The following ANKRD13D variants were observed in gnomAD, a reference collection of about 807,000 sequenced individuals.
ANKRD13D encodes ankyrin repeat domain 13D.
A neutral mutation model predicts 68.8 loss-of-function variants in ANKRD13D; 24 were observed. That is an observed-to-expected ratio of 0.35 (90% CI 0.25 to 0.49). The LOEUF (loss-of-function observed/expected upper bound fraction) is 0.49. Ranked by LOEUF, ANKRD13D falls within the 20% of genes least tolerant of loss-of-function variation. The pLI, the probability that ANKRD13D is intolerant of heterozygous loss-of-function variation, is 0.99. For synonymous variants in ANKRD13D, 331 were observed against 336.1 expected (o/e 0.98, Z 0.16); for missense variants, 735 against 832.1 (o/e 0.88, Z 1.44).
At chr11:67,296,892 C>T (rs540789941) in intron 6 of ANKRD13D, among the ~76,000 whole-genome samples, 1 of 152,182 alleles carries the variant, frequency 6.6e-6, no homozygotes, top group East Asian at 1.9e-4. Context: ...AAAGCACTGA[C>T]ATTACAGGTG....
intron 6 of ANKRD13D, among the ~76,000 whole-genome samples, chr11:67,296,338 A>AGTGTGT (rs35848734): frequency 0.13 from 19,120 of 147,586 alleles, 1,424 homozygotes; most frequent in South Asian, 0.18. Flanking sequence ...TTTGGGCCTG[A>AGTGTGT]GTGTGTGTGT....
In ANKRD13D at chr11:67,300,579, C is replaced by T. The variant is rs1860939797; in HGVS notation, c.1074-411C>T. 2 of 376,986 alleles carry T rather than the reference C, an allele frequency of 5.3e-6. No individual in the cohort carries two copies. The highest frequency in any genetic ancestry group is 9.6e-6 in the Non-Finnish European group (2 of 209,182). 23.4% of individuals were successfully genotyped at this position (376,986 alleles called of 1,614,324 possible). ...CATCTCAGGAGGATTCTCTTAGCCA[C>T]CCAACAGTCGCTGGGATTCGAACCC... On this transcript the variant is annotated intron_variant, in intron 10 of 14. Transcript: ENST00000511455. The surrounding 1 kb of genome is among the most constrained non-coding windows in gnomAD (Gnocchi z 4.3).
chr11:67,302,122 C>A lies in ANKRD13D; in HGVS notation c.1608C>A (p.Ala536=). The part of the protein sequence containing the change: ...VYEEQLQLER[A]LQESLQLSTE... ...CCTCCCCTGCCCTGCCTGGAAGGGC[C>A]CTCCAGGAAAGCCTGCAGCTGTCCA... Residue 536 remains alanine, a synonymous_variant, in exon 15 of 15, where the codon GCC becomes GCA. Coordinates refer to ENST00000511455, the MANE Select transcript of ANKRD13D (RefSeq NM_207354.3). The A allele has an allele frequency of 6.4e-7, 1 of 1,568,348 alleles. No individual in the cohort carries two copies.
intron 6 of ANKRD13D, among the ~76,000 whole-genome samples, chr11:67,297,288 C>T (rs1304474321): frequency 6.6e-6 from 1 of 151,840 alleles, no homozygotes; most frequent in Non-Finnish European, 1.5e-5. Context: ...CTCACTGCAA[C>T]CTCCGCCTCC....
At position 67,300,442 on chromosome 11, in the gene ANKRD13D, C is replaced by T. The variant is rs973469309; in HGVS notation, c.1073+319C>T. 3.4e-5 allele frequency: 13 copies of T among 379,028 alleles called. No individual in the cohort carries two copies. The highest frequency in any genetic ancestry group is 8.2e-5 in the Admixed American group (2 of 24,396). The allele number at this position is 379,028 out of a possible 1,614,324, so 23.5% of individuals were successfully genotyped here. A position where few individuals can be genotyped will look rare whatever the true frequency, so the allele number is the denominator to read the frequency against. On this transcript the variant is annotated intron_variant, in intron 10 of 14. Coordinates refer to ENST00000511455, the MANE Select transcript of ANKRD13D (RefSeq NM_207354.3). This position sits in a 1 kb window ranked among gnomAD's most constrained non-coding sequence, Gnocchi z 4.3. ...CCAGCGACGTGGCCTGGGAGTGGAG[C>T]GTCTGCCTTGGTGGAACAGAACAGT...
rs763853872 is a variant in ANKRD13D, at chr11:67,302,104, T to C, written c.1605-15T>C. ...CTCACTGGCCTGTTCTTCCCTCCCCTGCCCTGCCTGGAAGGGCCCTCCAGG... is the reference window on the plus strand; with the variant it reads ...CTCACTGGCCTGTTCTTCCCTCCCCCGCCCTGCCTGGAAGGGCCCTCCAGG... On this transcript the variant is annotated splice_polypyrimidine_tract_variant and intron_variant, in intron 14 of 14. Transcript: ENST00000511455. The C allele has an allele frequency of 1.3e-6, 2 of 1,542,332 alleles. No individual in the cohort carries two copies. Among genetic ancestry groups the C allele is most frequent in the Admixed American group, 3.9e-5 (2 of 50,730 alleles).
At position 67,299,429 on chromosome 11, in the gene ANKRD13D, C is replaced by T. The variant is rs1860887727; in HGVS notation, c.799-101C>T. On this transcript the variant is annotated intron_variant, in intron 7 of 14. Transcript: ENST00000511455. The surrounding 1 kb of genome is among the most constrained non-coding windows in gnomAD (Gnocchi z 6.2). ...TCCTCCATTTTGGGGAGCAAGATCT[C>T]ATCTGTCTCTGGGACAGGAGGACCT... The T allele has an allele frequency of 9.8e-7, 1 of 1,025,452 alleles. No homozygotes were observed. The highest frequency in any genetic ancestry group is 1.4e-6 in the Non-Finnish European group (1 of 694,140). 63.5% of individuals were successfully genotyped at this position (1,025,452 alleles called of 1,614,324 possible). A position where few individuals can be genotyped will look rare whatever the true frequency, so the allele number is the denominator to read the frequency against.
chr11:67,297,172 A>G (rs1334407895), intron 6 of ANKRD13D, among the ~76,000 whole-genome samples: 2 of 152,084 alleles, frequency 1.3e-5, no homozygotes, highest in African/African-American at 2.4e-5. Flanking sequence ...TTCTTTCTTA[A>G]TATAGGCATT....
In ANKRD13D at chr11:67,301,430, C is replaced by G; in HGVS notation, c.1348+32C>G. On this transcript the variant is annotated intron_variant, in intron 12 of 14. Coordinates refer to ENST00000511455, the MANE Select transcript of ANKRD13D (RefSeq NM_207354.3). This position sits in a 1 kb window ranked among gnomAD's most constrained non-coding sequence, Gnocchi z 4.5. ...CAACGGGAGGAAGAGGGAGCCTGCA[C>G]AGCTTTCTGGTCACCAAGCCCCGCG... is the stretch of plus-strand genomic sequence containing the variant. 6.2e-7 allele frequency: 1 copy of G among 1,607,778 alleles called. No individual in the cohort carries two copies. The highest frequency in any genetic ancestry group is 8.5e-7 in the Non-Finnish European group (1 of 1,176,678).
In ANKRD13D at chr11:67,301,492, C is replaced by G; in HGVS notation, c.1353C>G (p.Asn451Lys). The G allele has an allele frequency of 6.2e-7, 1 of 1,612,476 alleles. No individual in the cohort carries two copies. The highest frequency in any genetic ancestry group is 8.5e-7 in the Non-Finnish European group (1 of 1,179,494). Residue 451 changes from asparagine to lysine, a missense_variant, in exon 13 of 15, where the codon AAC (asparagine) becomes AAG (lysine). By Grantham distance (94) the Asn-to-Lys change is moderately conservative (BLOSUM62 0). Coordinates refer to ENST00000511455, the MANE Select transcript of ANKRD13D (RefSeq NM_207354.3). The surrounding 1 kb of genome is among the most constrained non-coding windows in gnomAD (Gnocchi z 4.5). ...APSSAVAASG[N>K]PFPCEVDPTV... ...GCCCCTCTGCCACCTGCCTAGGGAA[C>G]CCTTTCCCGTGCGAGGTGGACCCCA...
rs1343377219 is a variant in ANKRD13D, at chr11:67,302,168, T to A, written c.1654T>A (p.Ser552Thr). 1.3e-6 allele frequency: 2 copies of A among 1,597,106 alleles called. No homozygotes were observed. The highest frequency in any genetic ancestry group is 1.1e-5 in the South Asian group (1 of 88,372). ...GTCCACAGAGCCCAGGGGCCCAGGA[T>A]CCCCTCCCAGGACACCCCCAGCCCC... ...QLSTEPRGPG[S>T]PPRTPPAPGP... Residue 552 changes from serine (S) to threonine (T), a missense_variant, in exon 15 of 15, where the codon TCC (serine) becomes ACC (threonine). Physicochemically the swap from Ser to Thr is moderately conservative, Grantham distance 58. Transcript: ENST00000511455.
In ANKRD13D at chr11:67,300,995, A is replaced by G. The variant is rs774858371; in HGVS notation, c.1079A>G (p.Lys360Arg). 7 of 1,613,792 alleles carry G rather than the reference A, an allele frequency of 4.3e-6. No homozygotes were observed. Among genetic ancestry groups the G allele is most frequent in the Non-Finnish European group, 5.9e-6 (7 of 1,179,994 alleles). ...IEMSSKVQRF[K>R]ATLWLSEEHP... ...TCCTGTGGTCGGCTGGGCAGGTTCA[A>G]GGCAACACTGTGGCTGAGTGAAGAG... The change falls in exon 11 of 15, where the codon AAG becomes AGG. Residue 360 changes from lysine to arginine, a missense_variant. Physicochemically the swap from Lys to Arg is conservative, Grantham distance 26. Transcript: ENST00000511455. The surrounding 1 kb of genome is among the most constrained non-coding windows in gnomAD (Gnocchi z 4.3).
chr11:67,289,902 C>T, intron 1 of ANKRD13D, 176 bp from the exon 2 acceptor site: 1 of 1,437,580 alleles, frequency 7.0e-7, no homozygotes, highest in Non-Finnish European at 9.1e-7. Flanking sequence ...TCTGCCCCTG[C>T]CTTCCCTCCT....
intron 6 of ANKRD13D, among the ~76,000 whole-genome samples, chr11:67,292,449 C>CA (rs1022412564): frequency 2.6e-5 from 4 of 152,082 alleles, no homozygotes; most frequent in African/African-American, 9.7e-5. Flanking sequence ...CCCATTAAGA[C>CA]AAAGATTTAG....
rs751541067 is a variant in ANKRD13D, at chr11:67,292,129, C to G, written c.680C>G (p.Thr227Ser). The change falls in exon 6 of 15, where the codon ACC becomes AGC. Residue 227 changes from threonine to serine, a missense_variant. Transcript: ENST00000511455. ...PSEEHVASRL[T>S]SPIVSTHLDT... ...GAGGAGCATGTGGCCAGTCGCCTCA[C>G]CTCTCCTATCGTCTCCACCCACCTG... 1.9e-6 allele frequency: 3 copies of G among 1,611,990 alleles called. No individual in the cohort carries two copies. The highest frequency in any genetic ancestry group is 2.5e-6 in the Non-Finnish European group (3 of 1,178,424).
intron 3 of ANKRD13D, chr11:67,291,185 C>T (rs985762826): frequency 1.6e-5 from 6 of 381,204 alleles, no homozygotes; most frequent in East Asian, 5.8e-5. Context: ...TGGTGAAAGC[C>T]GTCTCTACAA....
In ANKRD13D at chr11:67,299,360, G is replaced by A; in HGVS notation, c.799-170G>A. 1 of 707,452 alleles carries A rather than the reference G, an allele frequency of 1.4e-6. No individual in the cohort carries two copies. 43.8% of individuals were successfully genotyped at this position (707,452 alleles called of 1,614,324 possible). A position where few individuals can be genotyped will look rare whatever the true frequency, so the allele number is the denominator to read the frequency against. ...GTGTGTTCCTCTTGACCCTGGGGCT[G>A]CATCTCCTCGTTGGTGACTTCCTGG... On this transcript the variant is annotated intron_variant, in intron 7 of 14. Transcript: ENST00000511455. The surrounding 1 kb of genome is among the most constrained non-coding windows in gnomAD (Gnocchi z 6.2).
chr11:67,289,762 G>A (rs1334453632), intron 1 of ANKRD13D: 5 of 1,411,802 alleles, frequency 3.5e-6, no homozygotes, highest in Non-Finnish European at 4.6e-6. Flanking sequence ...TGCCCTGCTC[G>A]CCCGAACTCG....
rs751758780 is a variant in ANKRD13D at position 67,301,682 on chromosome 11, C to G, written c.1512+31C>G. On this transcript the variant is annotated intron_variant, in intron 13 of 14. Coordinates refer to ENST00000511455, the MANE Select transcript of ANKRD13D (RefSeq NM_207354.3). The surrounding 1 kb of genome is among the most constrained non-coding windows in gnomAD (Gnocchi z 4.5). ...ACTTGCCCAGGGGGTGGGCTCTGGC[C>G]TCTGCAGCCACACGGCAGAAGTGAC... 3.8e-5 allele frequency: 61 copies of G among 1,610,694 alleles called. No homozygotes were observed. The highest frequency in any genetic ancestry group is 4.9e-5 in the Non-Finnish European group (58 of 1,179,354).
Sources: allele counts gnomAD v4.1 joint callset (sites outside exome capture counted in the v4.1 genomes callset), GRCh38; gene constraint gnomAD v4.1.1; non-coding constraint Gnocchi (gnomAD v3.1); transcripts MANE v1.5; gene names NCBI Gene and HGNC (gene_info 2026-07-23, HGNC 2026-07-21).